Variants in PTPN14 observed in about 807,000 individuals in gnomAD.
PTPN14 encodes protein tyrosine phosphatase non-receptor type 14, also known as tyrosine-protein phosphatase non-receptor type 14.
A neutral mutation model predicts 126.8 loss-of-function variants in PTPN14; 53 were observed. The observed-to-expected ratio is 0.42, with a 90% CI of 0.34 to 0.53. The LOEUF is 0.53. Among genes scored for constraint, PTPN14 ranks in the 20% least tolerant of loss-of-function variants. PTPN14 has a pLI of 0.08. For synonymous variants in PTPN14, 630 were observed against 599.3 expected (o/e 1.05, Z -0.75); for missense variants, 1,257 against 1,552.9 (o/e 0.81, Z 3.20).
intron 1 of PTPN14, among the ~76,000 whole-genome samples, chr1:214,475,545 G>C (rs927606632): frequency 1.3e-5 from 2 of 152,152 alleles, no homozygotes; most frequent in African/African-American, 4.8e-5. Flanking sequence ...CCCTTCTTTG[G>C]GAGATGTGCA....
chr1:214,408,248 C>T (rs371914879), intron 5 of PTPN14, among the ~76,000 whole-genome samples: 12 of 152,250 alleles, frequency 7.9e-5, no homozygotes, highest in African/African-American at 2.6e-4. Flanking sequence ...GTGTTAGTCC[C>T]CCAGGTCAGT....
intron 17 of PTPN14, among the ~76,000 whole-genome samples, chr1:214,368,407 G>C (rs1416302030): frequency 6.6e-6 from 1 of 151,910 alleles, no homozygotes; most frequent in Non-Finnish European, 1.5e-5. Context: ...CACCATGTTG[G>C]CCACGCTGGT....
At chr1:214,391,084 A>C (rs752031076) in intron 10 of PTPN14, 39 bp from the exon 11 acceptor site, 1 of 1,467,140 alleles carries the variant, frequency 6.8e-7, no homozygotes, top group Non-Finnish European at 9.4e-7. Context: ...GGTTATTATT[A>C]TTGATATAAA....
intron 3 of PTPN14, among the ~76,000 whole-genome samples, chr1:214,432,943 G>A (rs1659827447): frequency 2.0e-5 from 3 of 152,012 alleles, no homozygotes; most frequent in South Asian, 2.1e-4. Flanking sequence ...CTCATCTGTC[G>A]CCCAGGCTGG....
chr1:214,378,977 G>A (rs1047171852), intron 13 of PTPN14, among the ~76,000 whole-genome samples: 1 of 152,142 alleles, frequency 6.6e-6, no homozygotes. Context: ...AATTGAAATT[G>A]GATTGGGCAG....
intron 3 of PTPN14, among the ~76,000 whole-genome samples, chr1:214,450,795 T>A (rs1390731475): frequency 1.3e-5 from 2 of 152,118 alleles, no homozygotes; most frequent in Admixed American, 1.3e-4. Flanking sequence ...TATACCAACA[T>A]CAAAAAAATG....
In PTPN14 at chr1:214,542,925, T is replaced by C. The variant is rs368918006; in HGVS notation, c.-155+8258A>G. Among the ~76,000 whole-genome samples the C allele has an allele frequency of 2.0e-3, 308 of 152,278 alleles. 1 individual carries two copies. The highest frequency in any genetic ancestry group is 7.4e-3 in the African/African-American group (306 of 41,558). ...GACCATGAAATCTGCCTTAATCCCGTTGACTTAGGAGCTAAAATAACGGTG... is the reference window on the plus strand; with the variant it reads ...GACCATGAAATCTGCCTTAATCCCGCTGACTTAGGAGCTAAAATAACGGTG... On this transcript the variant is annotated intron_variant, in intron 1 of 18. Transcript: ENST00000366956.
chr1:214,406,202 G>T (rs768247284), intron 5 of PTPN14, among the ~76,000 whole-genome samples: 11 of 152,198 alleles, frequency 7.2e-5, no homozygotes, highest in African/African-American at 2.7e-4. Flanking sequence ...AGCCAAGGCC[G>T]TTGCAGTGGC....
chr1:214,414,659 C>T lies in PTPN14; in HGVS notation c.412G>A (p.Val138Met), dbSNP rs1249723264. ...ACAGCTAGGCCGGCTAGCCGAATCA[C>T]CTGGTCCAATGTACATCGTAATCGC... ...EGRLRCTLDQVIRLAGLAVQA... is the reference protein window; with the variant it reads ...EGRLRCTLDQMIRLAGLAVQA... The change falls in exon 4 of 19, where the codon GTG (valine) becomes ATG (methionine). Residue 138 changes from valine to methionine, a missense_variant. Coordinates refer to ENST00000366956, the MANE Select transcript of PTPN14 (RefSeq NM_005401.5). The T allele has an allele frequency of 3.7e-6, 6 of 1,614,088 alleles. No individual in the cohort carries two copies. The highest frequency in any genetic ancestry group is 5.1e-6 in the Non-Finnish European group (6 of 1,179,950).
chr1:214,418,039 A>G (rs887528780), intron 3 of PTPN14, among the ~76,000 whole-genome samples: 6 of 152,222 alleles, frequency 3.9e-5, no homozygotes, highest in African/African-American at 1.4e-4. Context: ...CAACAGGGTC[A>G]TGCCTGCCTA....
At chr1:214,514,519 G>C (rs1655052551) in intron 1 of PTPN14, among the ~76,000 whole-genome samples, 1 of 152,146 alleles carries the variant, frequency 6.6e-6, no homozygotes, top group African/African-American at 2.4e-5. Flanking sequence ...ATTTGTAAAG[G>C]TGCAGATTGC....
intron 1 of PTPN14, among the ~76,000 whole-genome samples, chr1:214,511,887 G>A (rs1407863590): frequency 1.3e-5 from 2 of 152,098 alleles, no homozygotes; most frequent in African/African-American, 2.4e-5. Context: ...ATGCTGAGTG[G>A]ATTAAGTGTT....
At chr1:214,381,512 A>G (rs1043420489) in intron 13 of PTPN14, among the ~76,000 whole-genome samples, 6 of 152,214 alleles carry the variant, frequency 3.9e-5, no homozygotes, top group East Asian at 1.9e-4. Flanking sequence ...GCAAAAAGTC[A>G]TATCTGTATA....
intron 1 of PTPN14, among the ~76,000 whole-genome samples, chr1:214,471,467 A>T (rs544426621): frequency 6.6e-6 from 1 of 152,356 alleles, no homozygotes; most frequent in East Asian, 1.9e-4. Context: ...ATGAGAAAAC[A>T]GTGCTAGTGA....
rs191076001 is a variant in PTPN14 at position 214,479,513 on chromosome 1, T to C, written c.-154-14556A>G. The stretch of plus-strand genomic sequence containing the variant: ...CACCACCAAGCCCGGCTAATTTTTG[T>C]ATTTTTAGTGGAGATAGGGTTTCAC... On this transcript the variant is annotated intron_variant, in intron 1 of 18. Coordinates refer to ENST00000366956, the MANE Select transcript of PTPN14 (RefSeq NM_005401.5). 1.5e-3 allele frequency among the ~76,000 whole-genome samples: 229 copies of C among 152,194 alleles called. 1 individual carries two copies. Among genetic ancestry groups the C allele is most frequent in the African/African-American group, 5.3e-3 (221 of 41,516 alleles).
At chr1:214,524,864 G>C (rs1305965863) in intron 1 of PTPN14, among the ~76,000 whole-genome samples, 1 of 151,944 alleles carries the variant, frequency 6.6e-6, no homozygotes, top group African/African-American at 2.4e-5. Flanking sequence ...CTGTTCTCTA[G>C]AGATTTCCAG....
At chr1:214,369,728 A>C in intron 16 of PTPN14, 37 bp from the exon 17 acceptor site, 2 of 1,555,278 alleles carry the variant, frequency 1.3e-6, no homozygotes, top group Non-Finnish European at 1.8e-6. Flanking sequence ...GAAATAGGTC[A>C]AGGGAAGCTC....
chr1:214,411,181 T>TG (rs951831650), intron 5 of PTPN14, among the ~76,000 whole-genome samples: 2 of 151,752 alleles, frequency 1.3e-5, no homozygotes, highest in African/African-American at 4.9e-5. Flanking sequence ...TACTCCTAGG[T>TG]ATTTTTTTTT....
chr1:214,372,367 A>T (rs891755628), intron 16 of PTPN14: 2 of 306,992 alleles, frequency 6.5e-6, no homozygotes, highest in Non-Finnish European at 1.3e-5. Flanking sequence ...CAGTGGAAAG[A>T]TCACTGTTTT....
Sources: allele counts gnomAD v4.1 joint callset (sites outside exome capture counted in the v4.1 genomes callset), GRCh38; gene constraint gnomAD v4.1.1; transcripts MANE v1.5; gene names NCBI Gene and HGNC (gene_info 2026-07-23, HGNC 2026-07-21).